Variants in ZAN observed in about 807,000 individuals in gnomAD.
ZAN encodes the protein zonadhesin (gene/pseudogene).
In ZAN, 260 loss-of-function variants were observed where a neutral mutation model predicts 286.2. The observed-to-expected ratio is 0.91, with a 90% CI of 0.82 to 1.01. ZAN has a LOEUF of 1.01. Ranked by LOEUF, ZAN falls within the 50% of genes least tolerant of loss-of-function variation. The pLI is 0.00. For missense variants in ZAN, 3,410 were observed against 3,639.2 expected, an observed-to-expected ratio of 0.94 and a Z score of 1.62; for synonymous variants, 1,368 against 1,417.5, an observed-to-expected ratio of 0.97 and a Z score of 0.79.
intron 11 of ZAN, 101 bp downstream of exon 11, chr7:100,748,571 G>T: frequency 6.8e-7 from 1 of 1,464,702 alleles, no homozygotes; most frequent in South Asian, 1.3e-5. Context: ...TTCAGGCAGT[G>T]GGAAGATCAG....
chr7:100,789,575 T>G (rs1323375917), intron 39 of ZAN, among the ~76,000 whole-genome samples: 1 of 152,056 alleles, frequency 6.6e-6, no homozygotes, highest in Non-Finnish European at 1.5e-5. Context: ...TCCGGGAAGC[T>G]GAGGTGGGAG....
In ZAN at chr7:100,767,885, A is replaced by G. The variant is rs759382995; in HGVS notation, c.4915A>G (p.Ile1639Val). 1 of 1,613,818 alleles carries G rather than the reference A, an allele frequency of 6.2e-7. No individual in the cohort carries two copies. The highest frequency in any genetic ancestry group is 2.2e-5 in the East Asian group (1 of 44,884). The change falls in exon 26 of 48, where the codon ATA (isoleucine) becomes GTA (valine). Residue 1639 changes from isoleucine (I) to valine (V), a missense_variant. By Grantham distance (29) the Ile-to-Val change is conservative. This residue lies in a region of ZAN where 1,042 missense variants were observed against 1,058.0 expected (regional missense o/e 0.98). Transcript: ENST00000613979. ...GTGGCTTGCACAAGGCCGGGTGACC[A>G]TAAGGCTCAGCAGCAACCTCGTCCT... ...PVWLAQGRVT[I>V]RLSSNLVLLY...
At chr7:100,769,796 C>T (rs952381230) in intron 27 of ZAN, 84 bp from the exon 28 acceptor site, 8 of 1,263,866 alleles carry the variant, frequency 6.3e-6, no homozygotes, top group Admixed American at 4.1e-5. Flanking sequence ...ATCCTCCTGC[C>T]TTGGCTTCCC....
At chr7:100,762,423 T>C (rs866089376) in intron 20 of ZAN, 65 bp downstream of exon 20, 179,394 of 1,028,754 alleles carry the variant, frequency 0.17, 2,858 homozygotes, top group South Asian at 0.29. Flanking sequence ...AACTCTCTTT[T>C]TTTTTTTTTT....
Position 100,738,350 on chromosome 7 carries a change from C to T in ZAN, c.614-111C>T, listed in dbSNP as rs985711436. The T allele has an allele frequency of 1.2e-5, 13 of 1,074,950 alleles. No individual in the cohort carries two copies. In the Admixed American group the frequency reaches 2.0e-4, roughly 17 times the overall value. 66.6% of individuals were successfully genotyped at this position (1,074,950 alleles called of 1,614,324 possible). On this transcript the variant is annotated intron_variant, in intron 6 of 47. Coordinates refer to ENST00000613979, the MANE Select transcript of ZAN (RefSeq NM_003386.3). ...GGAGGACCGCTTGAGTCCAGGAGTT[C>T]GAGGCCGCAGTGAGCTATGATCACA...
At chr7:100,789,411 A>G (rs951858390) in intron 39 of ZAN, 64 bp downstream of exon 39, 11 of 1,591,098 alleles carry the variant, frequency 6.9e-6, no homozygotes, top group Middle Eastern at 3.4e-4. Flanking sequence ...GGAAAATCCT[A>G]TTTAAGACAG....
intron 2 of ZAN, among the ~76,000 whole-genome samples, chr7:100,735,243 A>G (rs2131460176): frequency 7.3e-6 from 1 of 137,774 alleles, no homozygotes; most frequent in East Asian, 2.1e-4. Flanking sequence ...GTTTGGGAGA[A>G]TTTGAACAAG....
chr7:100,757,014 C>T (rs1584576590), intron 15 of ZAN, among the ~76,000 whole-genome samples: 1 of 152,200 alleles, frequency 6.6e-6, no homozygotes, highest in East Asian at 1.9e-4. Flanking sequence ...GCGATCCGCC[C>T]GCCTCAGCCT....
rs774755010 is a variant in ZAN, at chr7:100,767,877, G to A, written c.4907G>A (p.Arg1636Gln). ...VALPVWLAQGRVTIRLSSNLV... is the reference protein window; with the variant it reads ...VALPVWLAQGQVTIRLSSNLV... ...CTACCTGTGTGGCTTGCACAAGGCC[G>A]GGTGACCATAAGGCTCAGCAGCAAC... Residue 1636 changes from arginine (R) to glutamine (Q), a missense_variant, in exon 26 of 48, where the codon CGG becomes CAG. Around this residue, in one of 7 missense-constraint regions of ZAN, gnomAD observed 1,042 missense variants for 1,058.0 expected, o/e 0.98. Coordinates refer to ENST00000613979, the MANE Select transcript of ZAN (RefSeq NM_003386.3). The A allele has an allele frequency of 4.2e-5, 68 of 1,613,796 alleles. No homozygotes were observed. Among genetic ancestry groups the A allele is most frequent in the African/African-American group, 2.3e-4 (17 of 74,918 alleles).
intron 37 of ZAN, among the ~76,000 whole-genome samples, chr7:100,786,910 A>G (rs1811595659): frequency 6.6e-6 from 1 of 152,076 alleles, no homozygotes. Context: ...AAATTTTAAA[A>G]AATTAGTTAG....
At chr7:100,743,161 T>C (rs1226739651) in intron 7 of ZAN, among the ~76,000 whole-genome samples, 2 of 151,388 alleles carry the variant, frequency 1.3e-5, no homozygotes, top group Non-Finnish European at 2.9e-5. Flanking sequence ...GTAGCTGGGA[T>C]TACAGGTGTG....
rs377402352 is a variant in ZAN, at chr7:100,783,783, T to TATATATATACAC, written c.6623-839_6623-838insTATATATACACA. Among the ~76,000 whole-genome samples, 132 of 20,486 alleles carry TATATATATACAC rather than the reference T, an allele frequency of 6.4e-3. 17 individuals carry two copies. Among genetic ancestry groups the TATATATATACAC allele is most frequent in the Non-Finnish European group, 8.4e-3 (79 of 9,352 alleles). 13.4% of individuals were successfully genotyped at this position (20,486 alleles called of 152,430 possible). On this transcript the variant is annotated intron_variant, in intron 35 of 47. Coordinates refer to ENST00000613979, the MANE Select transcript of ZAN (RefSeq NM_003386.3). ...AAAAAAATATATATATATATATATA[T>TATATATATACAC]ACACATATATATATATACACACATA...
Position 100,748,021 on chromosome 7 carries a change from G to A in ZAN, c.1024-116G>A. ...AAAAAAAGAAAGAAAGAACTGAATTGAGGGTCTGGGCACAGGGAGTAGGGA... is the reference window on the plus strand; with the variant it reads ...AAAAAAAGAAAGAAAGAACTGAATTAAGGGTCTGGGCACAGGGAGTAGGGA... On this transcript the variant is annotated intron_variant, in intron 9 of 47. Transcript: ENST00000613979. 4.0e-6 allele frequency: 3 copies of A among 754,502 alleles called. No homozygotes were observed. The East Asian group carries it at 7.9e-5, about 20-fold the overall frequency. 46.7% of individuals were successfully genotyped at this position (754,502 alleles called of 1,614,324 possible).
chr7:100,741,567 CA>C (rs1807769275), intron 7 of ZAN, among the ~76,000 whole-genome samples: 1 of 24,702 alleles, frequency 4.0e-5, no homozygotes, highest in Admixed American at 3.2e-4. Context: ...GGGGGGCCGA[CA>C]CCCCCACCTC....
rs1438266625 is a variant in ZAN, at chr7:100,775,501, G to C, written c.5953G>C (p.Ala1985Pro). The change falls in exon 32 of 48, where the codon GCT (alanine) becomes CCT (proline). Residue 1985 changes from alanine to proline, a missense_variant. Transcript: ENST00000613979. Reference sequence around the variant, plus strand: ...TGAGAAGGAGGAAGGTGGAACTGAGGCTTTCCGCCTTCATGAGGTCTACAT... The same window carrying C: ...TGAGAAGGAGGAAGGTGGAACTGAGCCTTTCCGCCTTCATGAGGTCTACAT... The part of the protein sequence containing the change: ...KHEKEEGGTE[A>P]FRLHEVYIDI... 2 of 1,613,960 alleles carry C rather than the reference G, an allele frequency of 1.2e-6. No homozygotes were observed. The highest frequency in any genetic ancestry group is 1.7e-6 in the Non-Finnish European group (2 of 1,179,890).
intron 25 of ZAN, among the ~76,000 whole-genome samples, chr7:100,767,466 C>T (rs1279847325): frequency 1.5e-5 from 2 of 135,874 alleles, no homozygotes; most frequent in Non-Finnish European, 1.6e-5. Context: ...AGTTTTTTGC[C>T]GTTTTTTTTT....
At chr7:100,776,349 A>T (rs1810784567) in intron 33 of ZAN, 91 bp from the exon 34 acceptor site, 1 of 1,437,936 alleles carries the variant, frequency 7.0e-7, no homozygotes, top group African/African-American at 1.4e-5. Context: ...AGGGAGGAAA[A>T]CTGCTCTCGT....
At position 100,779,697 on chromosome 7, in the gene ZAN, C is replaced by G. The variant is rs372062243; in HGVS notation, c.6569C>G (p.Thr2190Ser). 2.2e-5 allele frequency: 34 copies of G among 1,559,506 alleles called. No homozygotes were observed. Among genetic ancestry groups the G allele is most frequent in the Admixed American group, 1.9e-4 (10 of 51,866 alleles). Residue 2190 changes from threonine to serine, a missense_variant, in exon 35 of 48, where the codon ACC (threonine) becomes AGC (serine). Around this residue, in one of 7 missense-constraint regions of ZAN, gnomAD observed 1,289 missense variants for 1,314.3 expected, o/e 0.98. Coordinates refer to ENST00000613979, the MANE Select transcript of ZAN (RefSeq NM_003386.3). Reference sequence around the variant, plus strand: ...CAGGCTCTGCAAGCCTTCGGGGCCACCTGCCAGAGCCAGGGGCTCAAGCCC... The same window carrying G: ...CAGGCTCTGCAAGCCTTCGGGGCCAGCTGCCAGAGCCAGGGGCTCAAGCCC... ...LCQALQAFGA[T>S]CQSQGLKPPL... is the part of the protein sequence containing the mutation.
intron 11 of ZAN, among the ~76,000 whole-genome samples, chr7:100,749,248 A>C (rs1004330704): frequency 4.6e-5 from 7 of 151,980 alleles, no homozygotes; most frequent in Non-Finnish European, 8.8e-5. Flanking sequence ...AGGCTGAGGC[A>C]GGAGAACTGC....
Sources: gnomAD v4.1 joint callset for allele counts (sites outside exome capture counted in the v4.1 genomes callset) on GRCh38, gnomAD v4.1.1 for gene constraint, gnomAD v4.1.1 regional missense constraint, MANE v1.5 for transcripts, NCBI Gene and HGNC (gene_info 2026-07-23, HGNC 2026-07-21) for gene names.